The following POM121C variants were observed in gnomAD, a reference collection of about 807,000 sequenced individuals.
The protein encoded by POM121C is nuclear envelope pore membrane protein POM 121C.
POM121C carries 20 observed loss-of-function variants against 66.4 expected under a neutral mutation model. That is an observed-to-expected ratio of 0.30 (90% CI 0.21 to 0.44). POM121C has a LOEUF of 0.44. POM121C is among the 20% of genes least tolerant of loss of function. The pLI is 1.00. For missense variants in POM121C, 580 were observed against 1,225.7 expected, an observed-to-expected ratio of 0.47 and a Z score of 7.87; for synonymous variants, 286 against 528.0, an observed-to-expected ratio of 0.54 and a Z score of 6.28.
rs1792015291 is a variant in POM121C at position 75,474,833 on chromosome 7, G to A, written c.-281C>T. ...GGGAAAAGAAGAAGGACTTGGGCAA[G>A]TTGCTCGGCTTCAGAATCTCCGAAG... On this transcript the variant is annotated 5_prime_UTR_variant, in exon 3 of 15. Coordinates refer to ENST00000615331, the MANE Select transcript of POM121C (RefSeq NM_001099415.3). The A allele has an allele frequency of 6.2e-6, 8 of 1,294,320 alleles. No individual in the cohort carries two copies. Among genetic ancestry groups the A allele is most frequent in the Middle Eastern group, 1.9e-4 (1 of 5,298 alleles). The allele number at this position is 1,294,320 out of a possible 1,614,324, so 80.2% of individuals were successfully genotyped here.
chr7:75,464,856 C>CAAAAA (rs35562594), intron 3 of POM121C, among the ~76,000 whole-genome samples: 3 of 28,782 alleles, frequency 1.0e-4, no homozygotes, highest in African/African-American at 2.2e-4. Flanking sequence ...AACTCCATCT[C>CAAAAA]AAAAAAAAAA....
intron 7 of POM121C, among the ~76,000 whole-genome samples, chr7:75,433,058 A>T (rs1790245611): frequency 6.6e-6 from 1 of 151,756 alleles, no homozygotes; most frequent in Admixed American, 6.6e-5. Flanking sequence ...ACATGATGAA[A>T]CCCTGTCTCT....
chr7:75,477,354 G>GGGCA (rs1471866824), intron 1 of POM121C, among the ~76,000 whole-genome samples: 2 of 152,192 alleles, frequency 1.3e-5, no homozygotes, highest in East Asian at 3.9e-4. Context: ...AGGCCGAGGC[G>GGGCA]GGCAGATCAC....
chr7:75,424,154 C>T lies in POM121C; in HGVS notation c.943G>A (p.Ala315Thr). 1 of 1,611,972 alleles carries T rather than the reference C, an allele frequency of 6.2e-7. No individual in the cohort carries two copies. The highest frequency in any genetic ancestry group is 2.2e-5 in the East Asian group (1 of 44,876). ...GAGGTGGGTGGGGAGGCAGTTGCAG[C>T]AGCAGGCAGGGTAAAGGTAAATGAA... ...QPSFTFTLPA[A>T]ATASPPTSLL... Residue 315 changes from alanine to threonine, a missense_variant, in exon 12 of 15, where the codon GCT (alanine) becomes ACT (threonine). Coordinates refer to ENST00000615331, the MANE Select transcript of POM121C (RefSeq NM_001099415.3).
chr7:75,467,230 T>C (rs199570972), intron 3 of POM121C, among the ~76,000 whole-genome samples: 8 of 152,298 alleles, frequency 5.3e-5, no homozygotes, highest in Admixed American at 2.0e-4. Context: ...TGCTCAAGTA[T>C]GTTTAAATTT....
chr7:75,439,005 GA>G lies in POM121C; in HGVS notation c.308+138del. 3.2e-6 allele frequency: 3 copies of G among 933,848 alleles called. No homozygotes were observed. The South Asian group carries it at 4.9e-5, about 15-fold the overall frequency. 57.8% of individuals were successfully genotyped at this position (933,848 alleles called of 1,614,324 possible). On this transcript the variant is annotated intron_variant, in intron 6 of 14. Transcript: ENST00000615331. ...GCAGTTAATTGTGACAAGTTACTCA[GA>G]ATATTCCTAATTTCAAAGACATGAA...
At chr7:75,478,746 T>A in intron 1 of POM121C, among the ~76,000 whole-genome samples, 1 of 106,048 alleles carries the variant, frequency 9.4e-6, no homozygotes, top group Non-Finnish European at 1.8e-5. Flanking sequence ...TAAAAGCAAA[T>A]AAAGAGCAAC....
At chr7:75,428,817 T>C (rs1296880210) in intron 7 of POM121C, among the ~76,000 whole-genome samples, 14 of 152,064 alleles carry the variant, frequency 9.2e-5, no homozygotes, top group African/African-American at 3.4e-4. Context: ...TCATCTCTAC[T>C]AGAAATACAA....
chr7:75,447,732 A>C (rs1442608279), intron 3 of POM121C, among the ~76,000 whole-genome samples: 2 of 152,034 alleles, frequency 1.3e-5, no homozygotes, highest in Admixed American at 6.6e-5. Context: ...AAAAAAAAAA[A>C]CAAAAATTAG....
chr7:75,416,891 G>A lies in POM121C; in HGVS notation c.*1905C>T. On this transcript the variant is annotated 3_prime_UTR_variant, in exon 15 of 15. Transcript: ENST00000615331. Reference sequence around the variant, plus strand: ...CTCAACAGGAATGAAGTCTCTATTTGTAATGGAAAGTCCCAGCCTCCCGCT... The same window carrying A: ...CTCAACAGGAATGAAGTCTCTATTTATAATGGAAAGTCCCAGCCTCCCGCT... 5 of 1,435,752 alleles carry A rather than the reference G, an allele frequency of 3.5e-6. 1 individual carries two copies. Among genetic ancestry groups the A allele is most frequent in the Non-Finnish European group, 4.5e-6 (5 of 1,099,704 alleles). The allele number at this position is 1,435,752 out of a possible 1,614,324, so 88.9% of individuals were successfully genotyped here. A position where few individuals can be genotyped will look rare whatever the true frequency, so the allele number is the denominator to read the frequency against.
intron 7 of POM121C, among the ~76,000 whole-genome samples, chr7:75,429,735 G>T (rs1790094077): frequency 6.6e-6 from 1 of 152,080 alleles, no homozygotes; most frequent in African/African-American, 2.4e-5. Context: ...GAAAGAGGTG[G>T]GACATGGTGG....
intron 3 of POM121C, among the ~76,000 whole-genome samples, chr7:75,463,916 T>G (rs1273029725): frequency 6.6e-6 from 1 of 150,886 alleles, no homozygotes. Flanking sequence ...GGTCCTGAAC[T>G]TCTGACCTCA....
In POM121C at chr7:75,485,888, C is replaced by G. The variant is rs1792519604; in HGVS notation, c.-482G>C. 2.0e-6 allele frequency: 1 copy of G among 503,656 alleles called. No individual in the cohort carries two copies. The highest frequency in any genetic ancestry group is 1.4e-5 in the South Asian group (1 of 69,880). The allele number at this position is 503,656 out of a possible 1,614,324, so 31.2% of individuals were successfully genotyped here. ...CCCTCCTGGGGCTCCGCAGCCTCTGCCCCACGGCTCCCGAGAGGCCGGGGC... is the reference window on the plus strand; with the variant it reads ...CCCTCCTGGGGCTCCGCAGCCTCTGGCCCACGGCTCCCGAGAGGCCGGGGC... On this transcript the variant is annotated 5_prime_UTR_variant, in exon 1 of 15. Coordinates refer to ENST00000615331, the MANE Select transcript of POM121C (RefSeq NM_001099415.3).
chr7:75,462,877 C>G (rs139890867), intron 3 of POM121C, among the ~76,000 whole-genome samples: 21 of 152,042 alleles, frequency 1.4e-4, no homozygotes, highest in African/African-American at 5.1e-4. Context: ...GAAATTCAGA[C>G]CTGCCCTTGT....
Position 75,419,328 on chromosome 7 carries a change from C to A in POM121C, c.2858G>T (p.Gly953Val), listed in dbSNP as rs1128184. The A allele has an allele frequency of 6.2e-7, 1 of 1,612,942 alleles. No individual in the cohort carries two copies. The highest frequency in any genetic ancestry group is 1.7e-5 in the Admixed American group (1 of 59,822). The stretch of plus-strand genomic sequence containing the variant: ...GGTGGCTTGCTGCTTACCGAACGGT[C>A]CAACACCAACAAAGCCTTGGGCGGG... ...SAPAQGFVGV[G>V]PFGSAAPSFS... The change falls in exon 14 of 15, where the codon GGA (glycine) becomes GTA (valine). Residue 953 changes from glycine to valine, a missense_variant. By Grantham distance (109) the Gly-to-Val change is moderately radical. Coordinates refer to ENST00000615331, the MANE Select transcript of POM121C (RefSeq NM_001099415.3).
In POM121C at chr7:75,417,063, G is replaced by GATTC. The variant is rs1789495298; in HGVS notation, c.*1732_*1733insGAAT. ...TTACATAAGGTACAGGTAGAAGCTT[G>GATTC]ATTGCTAGGCCCAGGCCCACCCAGA... On this transcript the variant is annotated 3_prime_UTR_variant, in exon 15 of 15. Transcript: ENST00000615331. 9.0e-7 allele frequency: 1 copy of GATTC among 1,105,536 alleles called. No homozygotes were observed. Among genetic ancestry groups the GATTC allele is most frequent in the South Asian group, 3.0e-5 (1 of 33,320 alleles). 68.5% of individuals were successfully genotyped at this position (1,105,536 alleles called of 1,614,324 possible). A position where few individuals can be genotyped will look rare whatever the true frequency, so the allele number is the denominator to read the frequency against.
chr7:75,469,101 C>CT (rs782685382), intron 3 of POM121C, among the ~76,000 whole-genome samples: 340 of 143,412 alleles, frequency 2.4e-3, no homozygotes, highest in South Asian at 8.2e-3. Context: ...GGTCTACTTT[C>CT]TTTTTTTTTT....
chr7:75,459,599 CAAA>C (rs1211791667), intron 3 of POM121C, among the ~76,000 whole-genome samples: 13 of 43,810 alleles, frequency 3.0e-4, no homozygotes, highest in Non-Finnish European at 3.7e-4. Context: ...GACTCTGTCT[CAAA>C]AAAAAAAAAA....
intron 13 of POM121C, chr7:75,420,569 C>T (rs192966605): frequency 1.3e-5 from 2 of 152,314 alleles, no homozygotes; most frequent in Non-Finnish European, 2.9e-5. Flanking sequence ...ATATGATGTT[C>T]CTTTCCCCCA....
Sources: gnomAD v4.1 joint callset for allele counts (sites outside exome capture counted in the v4.1 genomes callset) on GRCh38, gnomAD v4.1.1 for gene constraint, MANE v1.5 for transcripts, NCBI Gene and HGNC (gene_info 2026-07-23, HGNC 2026-07-21) for gene names.